The following FAM181A variants were observed in gnomAD, a reference collection of about 807,000 sequenced individuals.
FAM181A encodes the protein family with sequence similarity 181 member A, also known as protein FAM181A.
In FAM181A, 7 loss-of-function variants were observed where a neutral mutation model predicts 16.3. The ratio of observed to expected loss-of-function variants is 0.43; its 90% CI spans 0.24 to 0.81. The LOEUF (loss-of-function observed/expected upper bound fraction) is 0.81, where lower values mean the gene tolerates loss of function less well. FAM181A is among the 30% of genes least tolerant of loss of function. The pLI is 0.24. For missense variants in FAM181A, 349 were observed against 377.5 expected, an observed-to-expected ratio of 0.92 and a Z score of 0.63; for synonymous variants, 183 against 164.9, an observed-to-expected ratio of 1.11 and a Z score of -0.84.
intron 1 of FAM181A, 170 bp downstream of exon 1, chr14:93,927,624 A>G: frequency 7.8e-7 from 1 of 1,286,000 alleles, no homozygotes; most frequent in Non-Finnish European, 1.0e-6. Flanking sequence ...ATCAGCCCGC[A>G]AGGCAGGTCT....
In FAM181A at chr14:93,929,349, A is replaced by C; in HGVS notation, c.*185A>C. On this transcript the variant is annotated 3_prime_UTR_variant, in exon 2 of 2. Coordinates refer to ENST00000556222, the MANE Select transcript of FAM181A (RefSeq NM_001207073.2). ...TGACCCTTCAGCCTTGCAGCCTTGG[A>C]AGCTGGGAGGCTGGACCTGGTTGGC... 1.2e-6 allele frequency: 1 copy of C among 830,888 alleles called. No individual in the cohort carries two copies. Among genetic ancestry groups the C allele is most frequent in the East Asian group, 2.9e-5 (1 of 35,004 alleles). 51.5% of individuals were successfully genotyped at this position (830,888 alleles called of 1,614,324 possible).
upstream of FAM181A, chr14:93,925,279 T>A (rs374219962): frequency 1.9e-6 from 3 of 1,613,616 alleles, no homozygotes. Flanking sequence ...TTGATGCCCT[T>A]AGAAGAGAGA....
chr14:93,927,716 T>G, intron 1 of FAM181A: 3 of 865,242 alleles, frequency 3.5e-6, no homozygotes, highest in Non-Finnish European at 4.4e-6. Context: ...GGGGGGCTGG[T>G]GCTCCTCGTG....
chr14:93,927,905 C>T (rs571797150), intron 1 of FAM181A, among the ~76,000 whole-genome samples: 4 of 152,264 alleles, frequency 2.6e-5, no homozygotes, highest in South Asian at 4.1e-4. Context: ...CCAGCCCCAG[C>T]AATGCCACCT....
chr14:93,927,244 G>C (rs1427770788), upstream of FAM181A: 3 of 993,612 alleles, frequency 3.0e-6, no homozygotes, highest in Non-Finnish European at 3.6e-6. Context: ...GGGCGCCGCC[G>C]CCTGATTGGG....
upstream of FAM181A, chr14:93,927,058 A>ACACACACACACACACACACC (rs1334816342): frequency 1.2e-5 from 2 of 168,260 alleles, no homozygotes; most frequent in African/African-American, 5.0e-5. Context: ...ACACACACAC[A>ACACACACACACACACACACC]CACCCCACCC....
rs1353915905 is a variant in FAM181A at position 93,928,122 on chromosome 14, A to G, written c.-87-77A>G. On this transcript the variant is annotated intron_variant, in intron 1 of 1. Coordinates refer to ENST00000556222, the MANE Select transcript of FAM181A (RefSeq NM_001207073.2). ...GTGCTGGGGTGGGGAGACTGTTTGT[A>G]GACAGGTGCTGTGGTCTTTTGGGAG... 1.3e-5 allele frequency: 21 copies of G among 1,557,252 alleles called. No individual in the cohort carries two copies. The East Asian group carries it at 4.7e-4, about 35-fold the overall frequency.
At chr14:93,921,861 C>T (rs1887739446) in intron 1 of FAM181A, among the ~76,000 whole-genome samples, 1 of 152,168 alleles carries the variant, frequency 6.6e-6, no homozygotes, top group African/African-American at 2.4e-5. Flanking sequence ...GCCCATGGGA[C>T]CTTCAGCAAG....
In FAM181A at chr14:93,928,293, C is replaced by T; in HGVS notation, c.8C>T (p.Ser3Phe). The T allele has an allele frequency of 1.2e-6, 2 of 1,613,786 alleles. No homozygotes were observed. Among genetic ancestry groups the T allele is most frequent in the Admixed American group, 3.3e-5 (2 of 60,032 alleles). ...TGCAGTGGCCCCCTGGTGATGGCAT[C>T]CGACAGTGATGTGAAGATGCTGCTG... MA[S>F]DSDVKMLLNF... is the part of the protein sequence containing the mutation. Residue 3 changes from serine (S) to phenylalanine (F), a missense_variant, in exon 2 of 2, where the codon TCC becomes TTC. Physicochemically the swap from Ser to Phe is radical, Grantham distance 155. Transcript: ENST00000556222.
chr14:93,928,176 C>G (rs565523327), intron 1 of FAM181A, 23 bp from the exon 2 acceptor site: 26 of 1,604,904 alleles, frequency 1.6e-5, no homozygotes, highest in Non-Finnish European at 2.1e-5. Flanking sequence ...GGAGAGACTC[C>G]GATGGCCTGT....
chr14:93,925,353 G>A (rs10141024), upstream of FAM181A: 840,696 of 1,611,988 alleles, frequency 0.52, 220,849 homozygotes, highest in East Asian at 0.61. Flanking sequence ...GGAGAAAAGG[G>A]CGAGCACAGC....
chr14:93,925,505 G>A, upstream of FAM181A: 2 of 682,862 alleles, frequency 2.9e-6, no homozygotes, highest in Non-Finnish European at 4.8e-6. Context: ...AGCCACGCGT[G>A]CCAGATGTTT....
At chr14:93,927,719 T>A in intron 1 of FAM181A, 1 of 808,474 alleles carries the variant, frequency 1.2e-6, no homozygotes, top group African/African-American at 2.0e-5. Flanking sequence ...GGGCTGGTGC[T>A]CCTCGTGCTG....
chr14:93,928,181 G>A lies in FAM181A; in HGVS notation c.-87-18G>A, dbSNP rs1468379250. Reference sequence around the variant, plus strand: ...GTGGTTGCTTGGAGAGACTCCGATGGCCTGTTTTGTCCCCCAGGTCAGCTC... The same window carrying A: ...GTGGTTGCTTGGAGAGACTCCGATGACCTGTTTTGTCCCCCAGGTCAGCTC... On this transcript the variant is annotated intron_variant, in intron 1 of 1. Transcript: ENST00000556222. 1.9e-6 allele frequency: 3 copies of A among 1,606,944 alleles called. No homozygotes were observed. The South Asian group carries it at 3.3e-5, about 18-fold the overall frequency.
At chr14:93,919,382 C>A (rs890397365) in intron 1 of FAM181A, among the ~76,000 whole-genome samples, 1 of 152,208 alleles carries the variant, frequency 6.6e-6, no homozygotes, top group Non-Finnish European at 1.5e-5. Context: ...AGCTTCACCC[C>A]TTTTGGCTGT....
Position 93,927,365 on chromosome 14 carries a change from C to A in FAM181A, c.-177C>A. The A allele has an allele frequency of 8.9e-7, 1 of 1,128,430 alleles. No homozygotes were observed. The allele number at this position is 1,128,430 out of a possible 1,614,324, so 69.9% of individuals were successfully genotyped here. A position where few individuals can be genotyped will look rare whatever the true frequency, so the allele number is the denominator to read the frequency against. ...GGTTGCACAACTGCTTCCAGCCGGA[C>A]GGAGCTCGGCCGGCTGCGCCGGGGC... On this transcript the variant is annotated 5_prime_UTR_variant, in exon 1 of 2. Coordinates refer to ENST00000556222, the MANE Select transcript of FAM181A (RefSeq NM_001207073.2).
At chr14:93,924,759 A>T (rs971452620), upstream of FAM181A, among the ~76,000 whole-genome samples, 1 of 152,250 alleles carries the variant, frequency 6.6e-6, no homozygotes, top group African/African-American at 2.4e-5. Flanking sequence ...GTGGCCAGGC[A>T]GATCCAACTC....
At chr14:93,921,522 C>G (rs1887723558) in intron 1 of FAM181A, among the ~76,000 whole-genome samples, 1 of 152,246 alleles carries the variant, frequency 6.6e-6, no homozygotes, top group Non-Finnish European at 1.5e-5. Context: ...CACGTCCACT[C>G]TGATTATAGC....
Position 93,928,907 on chromosome 14 carries a change from G to A in FAM181A, c.622G>A (p.Val208Ile), listed in dbSNP as rs368140620. ...GCCTGGGGTCTCCTTGGTGGGCCGC[G>A]TCAATGCCTGGAGTTGCTGCCCCTT... is the stretch of plus-strand genomic sequence containing the variant. ...KMPGVSLVGR[V>I]NAWSCCPFQY... The change falls in exon 2 of 2, where the codon GTC (valine) becomes ATC (isoleucine). Residue 208 changes from valine to isoleucine, a missense_variant. Physicochemically the swap from Val to Ile is conservative, Grantham distance 29. Transcript: ENST00000556222. The A allele has an allele frequency of 3.1e-5, 50 of 1,614,056 alleles. No homozygotes were observed. The highest frequency in any genetic ancestry group is 9.3e-5 in the African/African-American group (7 of 74,930).
Sources: allele counts gnomAD v4.1 joint callset (sites outside exome capture counted in the v4.1 genomes callset), GRCh38; gene constraint gnomAD v4.1.1; transcripts MANE v1.5; gene names NCBI Gene and HGNC (gene_info 2026-07-23, HGNC 2026-07-21).